PTPRD: variants seen among roughly 807,000 people sequenced by gnomAD.
PTPRD encodes receptor-type tyrosine-protein phosphatase delta.
PTPRD carries 34 observed loss-of-function variants against 214.5 expected under a neutral mutation model. The observed-to-expected ratio is 0.16, with a 90% CI of 0.12 to 0.21. PTPRD has a LOEUF of 0.21. Among genes scored for constraint, PTPRD ranks in the 10% least tolerant of loss-of-function variants. The probability of loss-of-function intolerance (pLI) is 1.00; values close to 1 mark genes in which losing one functional copy is unlikely to be tolerated. For missense variants in PTPRD, 2,545 were observed against 2,398.7 expected, an observed-to-expected ratio of 1.06 and a Z score of -1.27; for synonymous variants, 1,128 against 845.7, an observed-to-expected ratio of 1.33 and a Z score of -5.79.
chr9:9,372,414 TA>T (rs2059767244), intron 9 of PTPRD, among the ~76,000 whole-genome samples: 1 of 152,136 alleles, frequency 6.6e-6, no homozygotes, highest in Non-Finnish European at 1.5e-5. Flanking sequence ...AAGTCTGTTT[TA>T]TCAGAGACTA....
At chr9:9,132,431 T>G (rs1378637696) in intron 10 of PTPRD, among the ~76,000 whole-genome samples, 2 of 152,166 alleles carry the variant, frequency 1.3e-5, no homozygotes, top group Non-Finnish European at 1.5e-5. Flanking sequence ...CAATAATAAT[T>G]TATACAACAT....
chr9:10,457,290 G>C (rs1192120375), intron 2 of PTPRD, among the ~76,000 whole-genome samples: 1 of 151,878 alleles, frequency 6.6e-6, no homozygotes, highest in Non-Finnish European at 1.5e-5. Flanking sequence ...GATATTGAAA[G>C]TTTCCTTTTG....
At chr9:9,921,215 T>A (rs1488375522) in intron 5 of PTPRD, among the ~76,000 whole-genome samples, 1 of 152,142 alleles carries the variant, frequency 6.6e-6, no homozygotes, top group East Asian at 1.9e-4. Flanking sequence ...TTTTCAAAAG[T>A]GCTGCTTTCA....
At chr9:10,192,776 C>T (rs773420601) in intron 3 of PTPRD, among the ~76,000 whole-genome samples, 21 of 152,120 alleles carry the variant, frequency 1.4e-4, no homozygotes, top group Middle Eastern at 3.4e-3. Context: ...TCTCAGTAGA[C>T]AAAAATAAGC....
At chr9:9,144,036 G>A (rs961059966) in intron 10 of PTPRD, among the ~76,000 whole-genome samples, 2 of 152,210 alleles carry the variant, frequency 1.3e-5, no homozygotes, top group Non-Finnish European at 2.9e-5. Context: ...TATTATTAAA[G>A]TGATAACTTG....
At chr9:9,842,036 A>G (rs1209216210) in intron 5 of PTPRD, among the ~76,000 whole-genome samples, 2 of 151,992 alleles carry the variant, frequency 1.3e-5, no homozygotes, top group Non-Finnish European at 2.9e-5. Context: ...TAATATTGGG[A>G]AAAATTGCTT....
chr9:9,930,130 G>A (rs1446339931), intron 5 of PTPRD, among the ~76,000 whole-genome samples: 1 of 152,210 alleles, frequency 6.6e-6, no homozygotes, highest in Non-Finnish European at 1.5e-5. Flanking sequence ...TCTACCTGAA[G>A]AAGTTACACA....
intron 2 of PTPRD, among the ~76,000 whole-genome samples, chr9:10,493,267 C>A (rs1217184079): frequency 1.3e-5 from 2 of 151,750 alleles, no homozygotes; most frequent in Non-Finnish European, 2.9e-5. Context: ...CACATGGAAC[C>A]AAAAAAAGAA....
intron 37 of PTPRD, among the ~76,000 whole-genome samples, chr9:8,385,978 G>A (rs539481025): frequency 1.3e-5 from 2 of 152,272 alleles, no homozygotes; most frequent in East Asian, 1.9e-4. Flanking sequence ...TTTCATTTGG[G>A]AACACAGAGT....
At chr9:8,567,949 C>T (rs1310231543) in intron 14 of PTPRD, among the ~76,000 whole-genome samples, 3 of 151,994 alleles carry the variant, frequency 2.0e-5, no homozygotes, top group Non-Finnish European at 4.4e-5. Flanking sequence ...TTAAAGTCAT[C>T]ACTATGAATA....
chr9:9,919,683 G>A (rs918683017), intron 5 of PTPRD, among the ~76,000 whole-genome samples: 1 of 152,144 alleles, frequency 6.6e-6, no homozygotes, highest in African/African-American at 2.4e-5. Context: ...CATTTTAAAA[G>A]TTGGGAGTTC....
intron 7 of PTPRD, among the ~76,000 whole-genome samples, chr9:9,677,139 C>G (rs1483498294): frequency 6.6e-6 from 1 of 151,996 alleles, no homozygotes. Flanking sequence ...TAATTAGATC[C>G]CATTTGTCAA....
chr9:9,116,471 G>A (rs1165343306), intron 10 of PTPRD, among the ~76,000 whole-genome samples: 1 of 152,060 alleles, frequency 6.6e-6, no homozygotes, highest in East Asian at 1.9e-4. Flanking sequence ...CAGAAGTGGG[G>A]AGGGTAGGAG....
intron 33 of PTPRD, among the ~76,000 whole-genome samples, chr9:8,452,048 T>C (rs1472607607): frequency 1.3e-5 from 2 of 152,200 alleles, no homozygotes; most frequent in Admixed American, 6.5e-5. Flanking sequence ...GTTGCAAAGA[T>C]GTGAGTCTCA....
At chr9:9,647,182 C>G (rs887507550) in intron 7 of PTPRD, among the ~76,000 whole-genome samples, 6 of 152,232 alleles carry the variant, frequency 3.9e-5, no homozygotes, top group African/African-American at 1.4e-4. Context: ...TTTCCCCCCC[C>G]TCTTTCTAGT....
intron 9 of PTPRD, among the ~76,000 whole-genome samples, chr9:9,245,129 A>T (rs553169427): frequency 6.6e-6 from 1 of 152,320 alleles, no homozygotes; most frequent in East Asian, 1.9e-4. Flanking sequence ...TTAAAATGTC[A>T]GGTAACAACA....
chr9:9,609,430 G>A (rs1211504844), intron 7 of PTPRD, among the ~76,000 whole-genome samples: 2 of 152,144 alleles, frequency 1.3e-5, no homozygotes, highest in Non-Finnish European at 2.9e-5. Flanking sequence ...AAGAAGAGAT[G>A]TATATCAAGT....
intron 3 of PTPRD, among the ~76,000 whole-genome samples, chr9:10,267,505 G>C (rs549683351): frequency 6.6e-6 from 1 of 152,096 alleles, no homozygotes; most frequent in African/African-American, 2.4e-5. Flanking sequence ...GCAAATGATT[G>C]ACACCTACTA....
rs994383049 is a variant in PTPRD, at chr9:9,711,241, T to A, written c.-287+23292A>T. Among the ~76,000 whole-genome samples, 3 of 152,202 alleles carry A rather than the reference T, an allele frequency of 2.0e-5. No homozygotes were observed. The East Asian group carries it at 5.8e-4, about 29-fold the overall frequency. On this transcript the variant is annotated intron_variant, in intron 7 of 45. Coordinates refer to ENST00000381196, the MANE Select transcript of PTPRD (RefSeq NM_002839.4). ...TTTAAAAAATGCAGTGATGTGTTTG[T>A]GAGCAGAAATATGCCATAGGAACTG...
Sources: allele counts gnomAD v4.1 joint callset (sites outside exome capture counted in the v4.1 genomes callset), GRCh38; gene constraint gnomAD v4.1.1; transcripts MANE v1.5; gene names NCBI Gene and HGNC (gene_info 2026-07-23, HGNC 2026-07-21).